The following FAM3C variants were observed in gnomAD, a reference collection of about 807,000 sequenced individuals.
FAM3C encodes the protein protein FAM3C.
Under a neutral mutation model 32.5 loss-of-function variants are expected in FAM3C, and 15 were observed. The observed-to-expected ratio is 0.46, with a 90% CI of 0.31 to 0.71. The LOEUF (loss-of-function observed/expected upper bound fraction) is 0.71. Among genes scored for constraint, FAM3C ranks in the 30% least tolerant of loss-of-function variants. The probability of loss-of-function intolerance (pLI) is 0.05; values close to 1 mark genes in which losing one functional copy is unlikely to be tolerated. For synonymous variants in FAM3C, 75 were observed against 86.1 expected, an observed-to-expected ratio of 0.87 and a Z score of 0.72; for missense variants, 175 against 274.4, an observed-to-expected ratio of 0.64 and a Z score of 2.56.
intron 1 of FAM3C, among the ~76,000 whole-genome samples, chr7:121,384,522 T>C (rs1196742127): frequency 2.6e-5 from 4 of 152,184 alleles, no homozygotes; most frequent in African/African-American, 7.2e-5. Context: ...GAAAATTTCT[T>C]TGAAAGTGTG....
chr7:121,351,894 A>C (rs1414103142), intron 8 of FAM3C, among the ~76,000 whole-genome samples: 3 of 152,228 alleles, frequency 2.0e-5, no homozygotes, highest in Non-Finnish European at 2.9e-5. Context: ...CAGGGAAACT[A>C]CTAATTGAAA....
At chr7:121,355,961 T>G (rs1251770148) in intron 8 of FAM3C, among the ~76,000 whole-genome samples, 1 of 149,644 alleles carries the variant, frequency 6.7e-6, no homozygotes, top group African/African-American at 2.5e-5. Context: ...CAAGGATAAA[T>G]GAAAATAAAG....
At chr7:121,367,506 A>G (rs1209190230) in intron 5 of FAM3C, among the ~76,000 whole-genome samples, 1 of 152,176 alleles carries the variant, frequency 6.6e-6, no homozygotes, top group Non-Finnish European at 1.5e-5. Flanking sequence ...ATAGCCAAAA[A>G]CATTGATCCC....
intron 3 of FAM3C, among the ~76,000 whole-genome samples, chr7:121,376,823 G>A (rs1490238289): frequency 6.6e-6 from 1 of 152,112 alleles, no homozygotes; most frequent in African/African-American, 2.4e-5. Context: ...CCATGGACAG[G>A]GATCTCAGCC....
At chr7:121,352,852 C>T (rs1484514289) in intron 8 of FAM3C, among the ~76,000 whole-genome samples, 1 of 152,270 alleles carries the variant, frequency 6.6e-6, no homozygotes, top group Admixed American at 6.5e-5. Flanking sequence ...ATTCCACTTG[C>T]GTAGTTTATC....
At chr7:121,351,086 T>A in intron 9 of FAM3C, 57 bp downstream of exon 9, 1 of 1,501,028 alleles carries the variant, frequency 6.7e-7, no homozygotes, top group Non-Finnish European at 9.1e-7. Context: ...TGGGAAAATG[T>A]ACCGTAAGGT....
chr7:121,394,390 C>A (rs1794642911), intron 1 of FAM3C, among the ~76,000 whole-genome samples: 1 of 152,150 alleles, frequency 6.6e-6, no homozygotes. Context: ...CATTAAAAAT[C>A]TGTAATTGTA....
At chr7:121,383,211 C>CTG (rs1794393725) in intron 1 of FAM3C, among the ~76,000 whole-genome samples, 1 of 151,798 alleles carries the variant, frequency 6.6e-6, no homozygotes, top group Non-Finnish European at 1.5e-5. Flanking sequence ...TCTTACCCTG[C>CTG]TGTGTCTTCA....
intron 5 of FAM3C, among the ~76,000 whole-genome samples, chr7:121,369,070 C>A (rs937252234): frequency 6.6e-6 from 1 of 150,462 alleles, no homozygotes; most frequent in Non-Finnish European, 1.5e-5. Flanking sequence ...ACCTCCATCT[C>A]CTGGGTTCAA....
rs1793656830 is a variant in FAM3C, at chr7:121,349,617, A to G, written c.*844T>C. 6.6e-6 allele frequency: 1 copy of G among 152,380 alleles called. No individual in the cohort carries two copies. The highest frequency in any genetic ancestry group is 1.5e-5 in the Non-Finnish European group (1 of 68,030). The allele number at this position is 152,380 out of a possible 1,614,324, so 9.4% of individuals were successfully genotyped here. ...TGCCTCCTTCCAAACCACTTGGTCAATGCTGATAACAATTAAGAAAAACGT... is the reference window on the plus strand; with the variant it reads ...TGCCTCCTTCCAAACCACTTGGTCAGTGCTGATAACAATTAAGAAAAACGT... On this transcript the variant is annotated 3_prime_UTR_variant, in exon 10 of 10. Coordinates refer to ENST00000359943, the MANE Select transcript of FAM3C (RefSeq NM_014888.3).
chr7:121,391,841 A>G (rs1234705208), intron 1 of FAM3C, among the ~76,000 whole-genome samples: 4 of 152,264 alleles, frequency 2.6e-5, no homozygotes, highest in Admixed American at 6.5e-5. Flanking sequence ...GACAAAACCA[A>G]TTAGGCCTCA....
At chr7:121,356,458 ACT>A (rs1461256376) in intron 8 of FAM3C, among the ~76,000 whole-genome samples, 1 of 152,224 alleles carries the variant, frequency 6.6e-6, no homozygotes, top group African/African-American at 2.4e-5. Flanking sequence ...GAATACACTT[ACT>A]GTTTTGTTGT....
At chr7:121,357,241 G>A (rs367961379) in intron 8 of FAM3C, among the ~76,000 whole-genome samples, 1 of 152,134 alleles carries the variant, frequency 6.6e-6, no homozygotes, top group Non-Finnish European at 1.5e-5. Context: ...GAGTGAGTGA[G>A]TCAGCTGGGT....
chr7:121,350,988 T>C (rs1353866497), intron 9 of FAM3C, among the ~76,000 whole-genome samples, 155 bp downstream of exon 9: 7 of 152,226 alleles, frequency 4.6e-5, no homozygotes, highest in African/African-American at 1.7e-4. Context: ...AGTACGATAG[T>C]TATTTCAAAT....
rs771457946 is a variant in FAM3C at position 121,351,245 on chromosome 7, G to A, written c.492C>T (p.Leu164=). The change falls in exon 9 of 10, where the codon CTC becomes CTT. Residue 164 remains leucine (L), a synonymous_variant. Coordinates refer to ENST00000359943, the MANE Select transcript of FAM3C (RefSeq NM_014888.3). ...TAGATGTGCTCCCCAAATCAGCAAT[G>A]AGCCGCCGTGCCTCATCATTGAGTC... is the stretch of plus-strand genomic sequence containing the variant. ...ATKLNDEARR[L]IADLGSTSIT... 1.3e-5 allele frequency: 21 copies of A among 1,613,532 alleles called. No individual in the cohort carries two copies. Among genetic ancestry groups the A allele is most frequent in the East Asian group, 4.5e-5 (2 of 44,872 alleles).
rs755539350 is a variant in FAM3C at position 121,362,933 on chromosome 7, C to T, written c.346G>A (p.Val116Ile). The T allele has an allele frequency of 6.6e-7, 1 of 1,518,644 alleles. No individual in the cohort carries two copies. Among genetic ancestry groups the T allele is most frequent in the Non-Finnish European group, 9.1e-7 (1 of 1,098,244 alleles). The allele number at this position is 1,518,644 out of a possible 1,614,324, so 94.1% of individuals were successfully genotyped here. The change falls in exon 7 of 10, where the codon GTA becomes ATA. Residue 116 changes from valine (V) to isoleucine (I), a missense_variant. Physicochemically the swap from Val to Ile is conservative, Grantham distance 29. Coordinates refer to ENST00000359943, the MANE Select transcript of FAM3C (RefSeq NM_014888.3). ...ATGTCAAAATATTTAGTGTCTAATA[C>T]TTCTCCTGTTTTTCCTAAAAGAGAT... Reference protein sequence around the residue: ...VALANGKTGEVLDTKYFDMWG... With the variant: ...VALANGKTGEILDTKYFDMWG...
chr7:121,393,709 C>T lies in FAM3C; in HGVS notation c.-42+2453G>A, dbSNP rs181103916. On this transcript the variant is annotated intron_variant, in intron 1 of 9. Coordinates refer to ENST00000359943, the MANE Select transcript of FAM3C (RefSeq NM_014888.3). Reference sequence around the variant, plus strand: ...GAGAGGAAGTCAGCCGATTGTGTCTCAAAGAATTGCATTAAAAGAAAGTAC... The same window carrying T: ...GAGAGGAAGTCAGCCGATTGTGTCTTAAAGAATTGCATTAAAAGAAAGTAC... Among the ~76,000 whole-genome samples, 469 of 152,200 alleles carry T rather than the reference C, an allele frequency of 3.1e-3. 3 individuals carry two copies. Among genetic ancestry groups the T allele is most frequent in the African/African-American group, 0.011 (438 of 41,518 alleles).
chr7:121,362,583 G>A, intron 7 of FAM3C: 1 of 242,824 alleles, frequency 4.1e-6, no homozygotes, highest in Non-Finnish European at 7.7e-6. Context: ...TTAAATTTTA[G>A]ACACACTTAA....
chr7:121,356,705 C>A (rs1415136415), intron 8 of FAM3C, among the ~76,000 whole-genome samples: 2 of 152,170 alleles, frequency 1.3e-5, no homozygotes, highest in African/African-American at 4.8e-5. Context: ...TACTCCAAGA[C>A]ATTCATATTG....
Sources: allele counts gnomAD v4.1 joint callset (sites outside exome capture counted in the v4.1 genomes callset), GRCh38; gene constraint gnomAD v4.1.1; transcripts MANE v1.5; gene names NCBI Gene and HGNC (gene_info 2026-07-23, HGNC 2026-07-21).